Variants in GASK1A observed in about 807,000 individuals in gnomAD.
GASK1A encodes the protein golgi associated kinase 1A.
GASK1A carries 40 observed loss-of-function variants against 41.2 expected under a neutral mutation model. The ratio of observed to expected loss-of-function variants is 0.97; its 90% confidence interval spans 0.75 to 1.27. GASK1A has a LOEUF of 1.27. GASK1A is among the 50% of genes most tolerant of loss of function. GASK1A has a pLI of 0.00. For synonymous variants in GASK1A, 316 were observed against 307.1 expected (o/e 1.03, Z -0.30); for missense variants, 678 against 745.1 (o/e 0.91, Z 1.05).
chr3:42,980,964 G>A (rs987365228), intron 1 of GASK1A, among the ~76,000 whole-genome samples: 3 of 152,312 alleles, frequency 2.0e-5, no homozygotes, highest in African/African-American at 7.2e-5. Context: ...GCATGCTGGA[G>A]TCTCCTGGCT....
chr3:43,009,084 C>A (rs926351347), intron 1 of GASK1A, among the ~76,000 whole-genome samples: 4 of 152,184 alleles, frequency 2.6e-5, no homozygotes, highest in African/African-American at 9.7e-5. Flanking sequence ...ATCCTCACAG[C>A]AACTCTTTGA....
intron 3 of GASK1A, among the ~76,000 whole-genome samples, chr3:43,054,438 T>C: frequency 6.6e-6 from 1 of 152,226 alleles, no homozygotes; most frequent in East Asian, 1.9e-4. Context: ...AGCCATTGTT[T>C]ACCCCTGGTG....
At chr3:43,027,744 A>G (rs1291969454) in intron 1 of GASK1A, among the ~76,000 whole-genome samples, 1 of 152,236 alleles carries the variant, frequency 6.6e-6, no homozygotes, top group Non-Finnish European at 1.5e-5. Context: ...AGTAAAAGTA[A>G]GAGAAAAGAA....
chr3:43,053,733 A>G (rs1461835034), intron 3 of GASK1A, 90 bp downstream of exon 3: 12 of 1,420,836 alleles, frequency 8.4e-6, no homozygotes, highest in Non-Finnish European at 1.2e-5. Context: ...TTCAGAGATC[A>G]GTTGATGCTG....
chr3:43,002,216 A>G (rs1298990004), intron 1 of GASK1A, among the ~76,000 whole-genome samples: 1 of 152,130 alleles, frequency 6.6e-6, no homozygotes, highest in African/African-American at 2.4e-5. Context: ...TACGTGACAT[A>G]ATTTTCCAAC....
intron 2 of GASK1A, chr3:43,037,364 A>C: frequency 3.2e-6 from 3 of 945,264 alleles, no homozygotes; most frequent in Non-Finnish European, 3.5e-6. Flanking sequence ...TGTGCAATAC[A>C]AATCCTCATT....
intron 1 of GASK1A, among the ~76,000 whole-genome samples, chr3:43,013,619 GAA>G (rs1291465914): frequency 1.3e-5 from 2 of 152,044 alleles, no homozygotes; most frequent in African/African-American, 2.4e-5. Context: ...GGGACAGTGG[GAA>G]GTCACAGAAA....
In GASK1A at chr3:43,032,376, C is replaced by T. The variant is rs370370111; in HGVS notation, c.113C>T (p.Pro38Leu). 1.7e-4 allele frequency: 267 copies of T among 1,551,504 alleles called. No homozygotes were observed. Among genetic ancestry groups the T allele is most frequent in the Non-Finnish European group, 2.3e-4 (261 of 1,146,942 alleles). ...MAVTRFPPQR[P>L]SAGPDPGPME... ...GTCACCCGCTTTCCCCCACAGCGTC[C>T]ATCCGCCGGCCCAGACCCTGGTCCC... The change falls in exon 2 of 5, where the codon CCA becomes CTA. Residue 38 changes from proline to leucine, a missense_variant. Physicochemically the swap from Pro to Leu is moderately conservative, Grantham distance 98 (BLOSUM62 -3). Coordinates refer to ENST00000430121, the MANE Select transcript of GASK1A (RefSeq NM_001129908.3).
At chr3:43,018,857 G>C (rs1027636237) in intron 1 of GASK1A, among the ~76,000 whole-genome samples, 3 of 152,156 alleles carry the variant, frequency 2.0e-5, no homozygotes, top group African/African-American at 7.2e-5. Context: ...TTTGGAATTA[G>C]GGCTGGAGCA....
chr3:42,986,804 G>A (rs927268995), intron 1 of GASK1A, among the ~76,000 whole-genome samples: 2 of 152,204 alleles, frequency 1.3e-5, no homozygotes, highest in Non-Finnish European at 2.9e-5. Context: ...CTGGGGGCCA[G>A]GATAGAGGTA....
At chr3:43,026,326 T>C (rs1477116282) in intron 1 of GASK1A, among the ~76,000 whole-genome samples, 4 of 152,042 alleles carry the variant, frequency 2.6e-5, no homozygotes, top group Admixed American at 2.6e-4. Context: ...TCCACCGGGG[T>C]TCTACAGGAA....
intron 1 of GASK1A, among the ~76,000 whole-genome samples, chr3:43,031,941 G>A (rs752967145): frequency 6.6e-6 from 1 of 152,222 alleles, no homozygotes; most frequent in African/African-American, 2.4e-5. Flanking sequence ...GGGGACAGAC[G>A]TGAGAAAAGC....
chr3:43,035,855 G>T (rs2125687840), intron 2 of GASK1A, among the ~76,000 whole-genome samples: 1 of 152,314 alleles, frequency 6.6e-6, no homozygotes, highest in Admixed American at 6.5e-5. Flanking sequence ...AGAAATTGAG[G>T]CCCAGAGAAA....
intron 2 of GASK1A, among the ~76,000 whole-genome samples, chr3:43,041,442 T>C (rs982949133): frequency 2.0e-5 from 3 of 152,248 alleles, no homozygotes; most frequent in Non-Finnish European, 4.4e-5. Flanking sequence ...TGATATCTCA[T>C]TGTGGTTTTG....
chr3:43,056,222 A>G lies in GASK1A; in HGVS notation c.1564A>G (p.Asn522Asp). Reference protein sequence around the residue: ...VKVLASGCLQNMLLKSLQMDP... With the variant: ...VKVLASGCLQDMLLKSLQMDP... Reference sequence around the variant, plus strand: ...GGTTCTCGCATCAGGGTGTCTACAGAACATGCTGCTGAAGTCGCTGCAGAT... The same window carrying G: ...GGTTCTCGCATCAGGGTGTCTACAGGACATGCTGCTGAAGTCGCTGCAGAT... The change falls in exon 5 of 5, where the codon AAC becomes GAC. Residue 522 changes from asparagine (N) to aspartate (D), a missense_variant. Transcript: ENST00000430121. 1 of 1,551,708 alleles carries G rather than the reference A, an allele frequency of 6.4e-7. No homozygotes were observed. The highest frequency in any genetic ancestry group is 2.4e-5 in the East Asian group (1 of 40,920).
chr3:43,055,581 G>A, intron 4 of GASK1A, 46 bp downstream of exon 4: 1 of 1,376,252 alleles, frequency 7.3e-7, no homozygotes, highest in Non-Finnish European at 1.0e-6. Flanking sequence ...ACTGAGACCT[G>A]ATGGCCTTGC....
intron 2 of GASK1A, chr3:43,037,051 G>T: frequency 2.0e-6 from 1 of 503,424 alleles, no homozygotes; most frequent in East Asian, 2.9e-5. Flanking sequence ...TCCAAGGTGT[G>T]AAAAATTAAG....
At chr3:43,012,902 A>AG (rs918985533) in intron 1 of GASK1A, among the ~76,000 whole-genome samples, 5 of 143,158 alleles carry the variant, frequency 3.5e-5, no homozygotes, top group African/African-American at 1.1e-4. Flanking sequence ...AGTCAGAGAA[A>AG]GGGGGGTTGT....
chr3:43,011,766 G>A (rs13072651), intron 1 of GASK1A, among the ~76,000 whole-genome samples: 2 of 151,718 alleles, frequency 1.3e-5, no homozygotes, highest in African/African-American at 4.8e-5. Flanking sequence ...CCAAGGGAAG[G>A]GGCTGTGTGA....
Sources: gnomAD v4.1 joint callset for allele counts (sites outside exome capture counted in the v4.1 genomes callset) on GRCh38, gnomAD v4.1.1 for gene constraint, MANE v1.5 for transcripts, NCBI Gene and HGNC (gene_info 2026-07-23, HGNC 2026-07-21) for gene names.